The following FSTL4 variants were observed in gnomAD, a reference collection of about 807,000 sequenced individuals.
FSTL4 encodes the protein follistatin-related protein 4.
Under a neutral mutation model 78.2 loss-of-function variants are expected in FSTL4, and 28 were observed. The observed-to-expected ratio is 0.36, with a 90% CI of 0.27 to 0.49. FSTL4 has a LOEUF of 0.49. Ranked by LOEUF, FSTL4 falls within the 20% of genes least tolerant of loss-of-function variation. The pLI, the probability that FSTL4 is intolerant of heterozygous loss-of-function variation, is 0.98. For synonymous variants in FSTL4, 422 were observed against 440.5 expected, an observed-to-expected ratio of 0.96 and a Z score of 0.53; for missense variants, 922 against 1,084.9, an observed-to-expected ratio of 0.85 and a Z score of 2.11.
chr5:133,372,245 C>CTATGTATGTATGTATGTATGTATGTATG (rs1554108980), intron 4 of FSTL4, among the ~76,000 whole-genome samples: 27 of 140,216 alleles, frequency 1.9e-4, no homozygotes, highest in Admixed American at 5.0e-4. Flanking sequence ...ATCTATGTAT[C>CTATGTATGTATGTATGTATGTATGTATG]TATGTATGTA....
chr5:133,221,004 T>C (rs781246597), intron 11 of FSTL4, 138 bp from the exon 12 acceptor site: 2 of 739,662 alleles, frequency 2.7e-6, no homozygotes, highest in East Asian at 2.5e-5. Context: ...CTGGTCAGGG[T>C]GGGGTAGAAT....
At chr5:133,657,580 C>T in the FSTL4 span, among the ~76,000 whole-genome samples, 1 of 151,862 alleles carries the variant, frequency 6.6e-6, no homozygotes, top group Non-Finnish European at 1.5e-5. Context: ...TCTTTTCTGC[C>T]CATAGGCACC....
At chr5:133,415,932 C>T (rs1010902735) in intron 3 of FSTL4, among the ~76,000 whole-genome samples, 6 of 152,196 alleles carry the variant, frequency 3.9e-5, no homozygotes, top group East Asian at 1.9e-4. Flanking sequence ...GCTCAAGATA[C>T]ATGTGTATGT....
At chr5:133,359,587 G>T (rs367584097) in intron 4 of FSTL4, among the ~76,000 whole-genome samples, 1 of 152,174 alleles carries the variant, frequency 6.6e-6, no homozygotes, top group East Asian at 1.9e-4. Context: ...TGACAGCAAT[G>T]GTCTGTATCT....
chr5:133,325,163 G>A (rs112004994), intron 4 of FSTL4, among the ~76,000 whole-genome samples: 2,743 of 152,338 alleles, frequency 0.018, 66 homozygotes, highest in African/African-American at 0.06. Context: ...GGCCAGCTGA[G>A]CGCCCTGTGC....
chr5:133,333,111 C>T (rs1362561216), intron 4 of FSTL4, among the ~76,000 whole-genome samples: 1 of 152,202 alleles, frequency 6.6e-6, no homozygotes, highest in Non-Finnish European at 1.5e-5. Context: ...AGTGACACTG[C>T]ACATGTGGCG....
intron 3 of FSTL4, among the ~76,000 whole-genome samples, chr5:133,549,699 T>C (rs990894039): frequency 9.2e-5 from 14 of 152,180 alleles, no homozygotes; most frequent in Non-Finnish European, 1.6e-4. Flanking sequence ...TGCTCTACCA[T>C]GTACCTAGGA....
chr5:133,732,002 C>T, the FSTL4 span, among the ~76,000 whole-genome samples: 1 of 152,186 alleles, frequency 6.6e-6, no homozygotes, highest in Non-Finnish European at 1.5e-5. Context: ...ATGCCCACTC[C>T]CTCCAGCTGA....
chr5:133,562,547 C>T (rs1265791336), intron 3 of FSTL4, among the ~76,000 whole-genome samples: 1 of 152,110 alleles, frequency 6.6e-6, no homozygotes, highest in Non-Finnish European at 1.5e-5. Context: ...GTGATGGTCA[C>T]CCCCTTTTTT....
At chr5:133,775,767 G>T in the FSTL4 span, among the ~76,000 whole-genome samples, 3 of 152,176 alleles carry the variant, frequency 2.0e-5, no homozygotes, top group Non-Finnish European at 1.5e-5. Flanking sequence ...AACAGGAGAA[G>T]AAAGCATGGC....
chr5:133,386,023 C>T (rs1755694037), intron 4 of FSTL4, among the ~76,000 whole-genome samples: 1 of 152,150 alleles, frequency 6.6e-6, no homozygotes, highest in African/African-American at 2.4e-5. Flanking sequence ...TTTATTGCAG[C>T]TCTCCTCCTC....
intron 3 of FSTL4, among the ~76,000 whole-genome samples, chr5:133,559,242 A>C (rs1759863197): frequency 6.6e-6 from 1 of 152,266 alleles, no homozygotes; most frequent in Admixed American, 6.5e-5. Context: ...GCACATTAAT[A>C]TGCTGGGGCA....
chr5:133,704,735 T>A, the FSTL4 span, among the ~76,000 whole-genome samples: 2 of 152,222 alleles, frequency 1.3e-5, no homozygotes, highest in African/African-American at 4.8e-5. Context: ...GTGTACCCAA[T>A]GCCTGTCATC....
At chr5:133,781,878 T>C in the FSTL4 span, among the ~76,000 whole-genome samples, 1 of 152,240 alleles carries the variant, frequency 6.6e-6, no homozygotes, top group Non-Finnish European at 1.5e-5. Flanking sequence ...TAATGGTAAT[T>C]ATAATTTTCA....
the FSTL4 span, among the ~76,000 whole-genome samples, chr5:133,798,875 G>C: frequency 6.6e-6 from 1 of 151,208 alleles, no homozygotes; most frequent in African/African-American, 2.4e-5. Flanking sequence ...GCCTCCTACG[G>C]TGGGCCTAGG....
rs143971536 is a variant in FSTL4 at position 133,589,996 on chromosome 5, T to C, written c.126+13862A>G. 2.1e-3 allele frequency among the ~76,000 whole-genome samples: 325 copies of C among 152,312 alleles called. 3 individuals carry two copies. Among genetic ancestry groups the C allele is most frequent in the East Asian group, 5.2e-3 (27 of 5,182 alleles). On this transcript the variant is annotated intron_variant, in intron 2 of 15. Coordinates refer to ENST00000265342, the MANE Select transcript of FSTL4 (RefSeq NM_015082.2). Reference sequence around the variant, plus strand: ...TCAATGAATTAATCTACTTAGTGCTTTGGCAAAATGAAAGCTGTTTATTAA... The same window carrying C: ...TCAATGAATTAATCTACTTAGTGCTCTGGCAAAATGAAAGCTGTTTATTAA...
the FSTL4 span, among the ~76,000 whole-genome samples, chr5:133,781,720 G>A: frequency 3.9e-5 from 6 of 152,008 alleles, no homozygotes; most frequent in South Asian, 4.2e-4. Context: ...GTGCACCCCC[G>A]CCCCCACAAT....
At chr5:133,357,816 C>A (rs1222094870) in intron 4 of FSTL4, among the ~76,000 whole-genome samples, 1 of 152,136 alleles carries the variant, frequency 6.6e-6, no homozygotes, top group Admixed American at 6.5e-5. Context: ...TGCTGAGGTC[C>A]CCAAAGGAGA....
At chr5:133,523,792 A>C (rs1159943914) in intron 3 of FSTL4, among the ~76,000 whole-genome samples, 2 of 152,164 alleles carry the variant, frequency 1.3e-5, no homozygotes, top group East Asian at 3.9e-4. Context: ...TTATTATGTT[A>C]CCCATTTATT....
Sources: gnomAD v4.1 joint callset for allele counts (sites outside exome capture counted in the v4.1 genomes callset) on GRCh38, gnomAD v4.1.1 for gene constraint, MANE v1.5 for transcripts, NCBI Gene and HGNC (gene_info 2026-07-23, HGNC 2026-07-21) for gene names.